The following CCR5AS variants were observed in gnomAD, a reference collection of about 807,000 sequenced individuals.
The protein encoded by CCR5AS is CCR5 antisense RNA.
At chr3:46,373,104 T>A (rs758090461) in intron 2 of CCR5AS, 1 of 1,614,214 alleles carries the variant, frequency 6.2e-7, no homozygotes, top group East Asian at 2.2e-5. Context: ...GACTGACATC[T>A]ACCTGCTCAA....
At chr3:46,393,892 C>A (rs1407519719) in intron 1 of CCR5AS, among the ~76,000 whole-genome samples, 1 of 152,226 alleles carries the variant, frequency 6.6e-6, no homozygotes, top group East Asian at 1.9e-4. Flanking sequence ...CATTTTATAA[C>A]CAAACAACAT....
chr3:46,398,570 G>A (rs112420584), intron 1 of CCR5AS, among the ~76,000 whole-genome samples: 9,123 of 152,214 alleles, frequency 0.06, 918 homozygotes, highest in African/African-American at 0.21. Context: ...ATACAAGGGT[G>A]TCTTACTCTT....
intron 2 of CCR5AS, among the ~76,000 whole-genome samples, chr3:46,378,384 AC>A (rs1701782707): frequency 6.6e-6 from 1 of 152,036 alleles, no homozygotes; most frequent in Admixed American, 6.5e-5. Context: ...CCTTATTGTT[AC>A]TACGTGGTTT....
intron 2 of CCR5AS, among the ~76,000 whole-genome samples, chr3:46,392,367 A>C: frequency 6.6e-6 from 1 of 152,146 alleles, no homozygotes; most frequent in Non-Finnish European, 1.5e-5. Context: ...AAGGTGTTTT[A>C]AGTTTTAAGA....
At chr3:46,378,162 T>G (rs777920485) in intron 2 of CCR5AS, among the ~76,000 whole-genome samples, 1 of 152,212 alleles carries the variant, frequency 6.6e-6, no homozygotes, top group Non-Finnish European at 1.5e-5. Context: ...CTCCTATACT[T>G]TGAAATAAAA....
At chr3:46,399,277 G>T (rs1331078764) in intron 1 of CCR5AS, among the ~76,000 whole-genome samples, 1 of 152,202 alleles carries the variant, frequency 6.6e-6, no homozygotes, top group African/African-American at 2.4e-5. Context: ...CTGTTCATGG[G>T]CACTTGATGC....
intron 2 of CCR5AS, among the ~76,000 whole-genome samples, chr3:46,385,853 G>A (rs1179521569): frequency 2.6e-5 from 4 of 152,028 alleles, no homozygotes; most frequent in Non-Finnish European, 4.4e-5. Context: ...CCATTCTCCT[G>A]CCTCAGCCTC....
At chr3:46,405,699 C>A (rs1159295356) in intron 1 of CCR5AS, among the ~76,000 whole-genome samples, 1 of 152,162 alleles carries the variant, frequency 6.6e-6, no homozygotes, top group Non-Finnish European at 1.5e-5. Flanking sequence ...AGGTTCCCAC[C>A]AGCACCAACT....
At chr3:46,364,996 T>C in exon 4 of CCR5AS, 1 of 154,788 alleles carries the variant, frequency 6.5e-6, no homozygotes. Context: ...TTCTTACATA[T>C]GAGCAGTGAA....
intron 3 of CCR5AS, chr3:46,370,763 T>C (rs1228775414): frequency 2.0e-5 from 3 of 152,160 alleles, no homozygotes; most frequent in Non-Finnish European, 4.4e-5. Context: ...AGCCCGTAAA[T>C]AAACCTTCAG....
chr3:46,398,266 A>G lies in CCR5AS; in HGVS notation n.164-5214T>C, dbSNP rs1027015832. On this transcript the variant is annotated intron_variant and non_coding_transcript_variant, in intron 1 of 3. Transcript: ENST00000451485. ...CCCTCAATGTTCCCGGCTGAAACAA[A>G]CTCAAAACTCCTCTGGAAAGGAGTG... Among the ~76,000 whole-genome samples, 5 of 152,184 alleles carry G rather than the reference A, an allele frequency of 3.3e-5. No individual in the cohort carries two copies. In the East Asian group the frequency reaches 9.7e-4, roughly 29 times the overall value.
intron 2 of CCR5AS, chr3:46,373,063 T>A (rs767459001): frequency 1.2e-6 from 2 of 1,614,144 alleles, no homozygotes; most frequent in African/African-American, 1.3e-5. Flanking sequence ...GTCATCCTCA[T>A]CCTGATAAAC....
intron 2 of CCR5AS, among the ~76,000 whole-genome samples, chr3:46,385,098 A>G (rs1454898611): frequency 6.6e-6 from 1 of 152,186 alleles, no homozygotes; most frequent in East Asian, 1.9e-4. Flanking sequence ...GTGAAGGGGA[A>G]CAAGGAGTCT....
intron 3 of CCR5AS, among the ~76,000 whole-genome samples, chr3:46,366,324 G>A (rs1701597404): frequency 6.6e-6 from 1 of 152,212 alleles, no homozygotes; most frequent in Admixed American, 6.5e-5. Context: ...GTTATGTGCA[G>A]AGCTGAGTAT....
chr3:46,379,383 A>C (rs912928616), intron 2 of CCR5AS, among the ~76,000 whole-genome samples: 6 of 152,138 alleles, frequency 3.9e-5, no homozygotes, highest in African/African-American at 1.4e-4. Context: ...CCAAATGTCC[A>C]ACAATGATAG....
rs1701874394 is a variant in CCR5AS, at chr3:46,387,527, T to C, written n.391+5298A>G. ...ACTTTAGGTGCTAGAGGCAAGTGGATTGCTTGAGCTCAAGAGTTCAAGACC... is the reference window on the plus strand; with the variant it reads ...ACTTTAGGTGCTAGAGGCAAGTGGACTGCTTGAGCTCAAGAGTTCAAGACC... On this transcript the variant is annotated intron_variant and non_coding_transcript_variant, in intron 2 of 3. Coordinates refer to ENST00000451485, the Ensembl canonical transcript of CCR5AS. Among the ~76,000 whole-genome samples the C allele has an allele frequency of 2.6e-5, 4 of 152,256 alleles. No homozygotes were observed. The South Asian group carries it at 8.3e-4, about 32-fold the overall frequency.
intron 2 of CCR5AS, among the ~76,000 whole-genome samples, chr3:46,386,008 C>T (rs1483887608): frequency 1.3e-5 from 2 of 152,072 alleles, no homozygotes; most frequent in Non-Finnish European, 2.9e-5. Flanking sequence ...GCCTCCCAGG[C>T]TCAAGCAATC....
intron 1 of CCR5AS, among the ~76,000 whole-genome samples, chr3:46,394,529 G>T (rs528309828): frequency 1.3e-5 from 2 of 152,194 alleles, no homozygotes; most frequent in South Asian, 4.2e-4. Context: ...CCCACCAGGG[G>T]CCAGAACACC....
rs145624151 is a variant in CCR5AS at position 46,384,126 on chromosome 3, G to A, written n.391+8699C>T. Among the ~76,000 whole-genome samples the A allele has an allele frequency of 7.1e-3, 1,084 of 152,320 alleles. 10 individuals are homozygous for A. Among genetic ancestry groups the A allele is most frequent in the African/African-American group, 0.025 (1,033 of 41,556 alleles). On this transcript the variant is annotated intron_variant and non_coding_transcript_variant, in intron 2 of 3. Transcript: ENST00000451485. The stretch of plus-strand genomic sequence containing the variant: ...TGCACAGAGAGAGGGGCACCTGAGT[G>A]GATCTTCCTGTTTTGTGGTGAAATG...
Sources: allele counts gnomAD v4.1 joint callset (sites outside exome capture counted in the v4.1 genomes callset), GRCh38; gene constraint gnomAD v4.1.1; transcripts MANE v1.5; gene names NCBI Gene and HGNC (gene_info 2026-07-23, HGNC 2026-07-21).